Variants in UBR7 observed in about 807,000 individuals in gnomAD.
UBR7 encodes ubiquitin protein ligase E3 component n-recognin 7.
In UBR7, 22 loss-of-function variants were observed where a neutral mutation model predicts 57.0. That is an observed-to-expected ratio of 0.39 (90% CI 0.28 to 0.55). The LOEUF (loss-of-function observed/expected upper bound fraction) is 0.55, where lower values mean the gene tolerates loss of function less well. Ranked by LOEUF, UBR7 falls within the 20% of genes least tolerant of loss-of-function variation. UBR7 has a pLI of 0.69. For missense variants in UBR7, 395 were observed against 513.2 expected, an observed-to-expected ratio of 0.77 and a Z score of 2.23; for synonymous variants, 167 against 179.8, an observed-to-expected ratio of 0.93 and a Z score of 0.57.
At chr14:93,208,295 G>A (rs937854095) in intron 1 of UBR7, among the ~76,000 whole-genome samples, 2 of 152,052 alleles carry the variant, frequency 1.3e-5, no homozygotes, top group African/African-American at 4.8e-5. Context: ...GGAGAGACTT[G>A]TATTCATTAT....
At chr14:93,221,161 A>T (rs998680743) in intron 9 of UBR7, among the ~76,000 whole-genome samples, 8 of 148,114 alleles carry the variant, frequency 5.4e-5, no homozygotes, top group African/African-American at 2.0e-4. Flanking sequence ...CCCAGGCTGG[A>T]GTGCAGTGGC....
intron 10 of UBR7, among the ~76,000 whole-genome samples, chr14:93,225,305 C>A (rs1894825108): frequency 1.3e-5 from 2 of 151,134 alleles, no homozygotes; most frequent in Non-Finnish European, 2.9e-5. Flanking sequence ...ATGTTTGTAT[C>A]TAACAAAACA....
chr14:93,218,783 C>T (rs763223387), intron 7 of UBR7, 48 bp downstream of exon 7: 35 of 1,583,844 alleles, frequency 2.2e-5, no homozygotes, highest in South Asian at 3.4e-5. Flanking sequence ...GGGCCAGGCG[C>T]GGTGGCTCAT....
At chr14:93,213,244 T>A (rs1894522198) in intron 4 of UBR7, among the ~76,000 whole-genome samples, 1 of 152,192 alleles carries the variant, frequency 6.6e-6, no homozygotes, top group South Asian at 2.1e-4. Context: ...AACACTTTTG[T>A]CAACCTTGCA....
At chr14:93,222,194 A>T in intron 9 of UBR7, 119 bp from the exon 10 acceptor site, 1 of 734,494 alleles carries the variant, frequency 1.4e-6, no homozygotes, top group Non-Finnish European at 2.4e-6. Flanking sequence ...GCTTTCACTT[A>T]AGAAAATTTT....
rs1479069419 is a variant in UBR7 at position 93,227,874 on chromosome 14, G to A, written c.*839G>A. ...CCGGGTCTCACCCCTGTGAAATCTT[G>A]GTGGTTTACGAAGTCCTCTGGATTT... On this transcript the variant is annotated 3_prime_UTR_variant, in exon 11 of 11. Transcript: ENST00000013070. 7 of 700,766 alleles carry A rather than the reference G, an allele frequency of 1.0e-5. No individual in the cohort carries two copies. In the East Asian group the frequency reaches 1.9e-4, roughly 19 times the overall value. 43.4% of individuals were successfully genotyped at this position (700,766 alleles called of 1,614,324 possible).
chr14:93,207,663 T>C lies in UBR7; in HGVS notation c.150+222T>C, dbSNP rs990434178. Among the ~76,000 whole-genome samples, 3 of 151,742 alleles carry C rather than the reference T, an allele frequency of 2.0e-5. No homozygotes were observed. In the East Asian group the frequency reaches 5.8e-4, roughly 30 times the overall value. On this transcript the variant is annotated intron_variant, in intron 1 of 10. Coordinates refer to ENST00000013070, the MANE Select transcript of UBR7 (RefSeq NM_175748.4). ...CCAGCAGGGGCCCCCCTCTCCCCTGTCTCCAACTCTGTCCGGCCCGCCAGG... is the reference window on the plus strand; with the variant it reads ...CCAGCAGGGGCCCCCCTCTCCCCTGCCTCCAACTCTGTCCGGCCCGCCAGG...
rs1894815719 is a variant in UBR7 at position 93,224,907 on chromosome 14, CTT to C, written c.1186-2033_1186-2032del. 4.3e-5 allele frequency among the ~76,000 whole-genome samples: 5 copies of C among 115,780 alleles called. No homozygotes were observed. The Middle Eastern group carries it at 0.014, about 325-fold the overall frequency. The allele number at this position is 115,780 out of a possible 152,430, so 76.0% of individuals were successfully genotyped here. A position where few individuals can be genotyped will look rare whatever the true frequency, so the allele number is the denominator to read the frequency against. On this transcript the variant is annotated intron_variant, in intron 10 of 10. Transcript: ENST00000013070. ...ATGCTGGTGCTGTTGCACCTCCACT[CTT>C]TTGTGGTCGGTTTTCTTTATTTTAT...
At chr14:93,220,457 TA>T in intron 9 of UBR7, 46 bp downstream of exon 9, 1 of 1,608,220 alleles carries the variant, frequency 6.2e-7, no homozygotes. Flanking sequence ...CTTCACTATG[TA>T]AAAAAATATA....
intron 10 of UBR7, among the ~76,000 whole-genome samples, chr14:93,222,603 C>T (rs1337501585): frequency 2.0e-5 from 3 of 151,922 alleles, no homozygotes; most frequent in Non-Finnish European, 4.4e-5. Flanking sequence ...ATTAGCCAGG[C>T]GTGGTGATGG....
At chr14:93,224,146 C>G (rs757442125) in intron 10 of UBR7, 3 of 654,446 alleles carry the variant, frequency 4.6e-6, no homozygotes, top group Non-Finnish European at 8.1e-6. Context: ...TCATGGCGTC[C>G]TCTCCGCGCT....
intron 10 of UBR7, among the ~76,000 whole-genome samples, chr14:93,225,699 T>C (rs971068909): frequency 9.9e-5 from 15 of 152,182 alleles, no homozygotes; most frequent in Non-Finnish European, 2.1e-4. Flanking sequence ...AAAAACTGAT[T>C]TGTTATTGAA....
At chr14:93,225,698 T>C (rs979918231) in intron 10 of UBR7, among the ~76,000 whole-genome samples, 1 of 152,180 alleles carries the variant, frequency 6.6e-6, no homozygotes, top group Non-Finnish European at 1.5e-5. Flanking sequence ...AAAAAACTGA[T>C]TTGTTATTGA....
At chr14:93,219,973 C>CAAA (rs11442565) in intron 8 of UBR7, among the ~76,000 whole-genome samples, 2 of 142,450 alleles carry the variant, frequency 1.4e-5, no homozygotes, top group Non-Finnish European at 3.1e-5. Flanking sequence ...AACTCCATCT[C>CAAA]AAAAAAAAAA....
rs559860509 is a variant in UBR7, at chr14:93,212,144, T to C, written c.441+17T>C. ...GAAGACGAGGTAAGAGAATTGGAAG[T>C]TAAACCTGGGGGTGTGTCCCCTCTA... is the stretch of plus-strand genomic sequence containing the variant. On this transcript the variant is annotated intron_variant, in intron 4 of 10. Transcript: ENST00000013070. The C allele has an allele frequency of 3.1e-6, 5 of 1,590,098 alleles. 1 individual carries two copies. The South Asian group carries it at 5.6e-5, about 18-fold the overall frequency.
rs779441357 is a variant in UBR7, at chr14:93,222,269, A to G, written c.1124-44A>G. The G allele has an allele frequency of 2.1e-6, 3 of 1,418,348 alleles. No homozygotes were observed. In the East Asian group the frequency reaches 6.8e-5, roughly 32 times the overall value. The allele number at this position is 1,418,348 out of a possible 1,614,324, so 87.9% of individuals were successfully genotyped here. Reference sequence around the variant, plus strand: ...CAAAGAATATTTTGTTTTTGAAAGCAAATGGTTTATCTAAACTTAAATACT... The same window carrying G: ...CAAAGAATATTTTGTTTTTGAAAGCGAATGGTTTATCTAAACTTAAATACT... On this transcript the variant is annotated intron_variant, in intron 9 of 10. Transcript: ENST00000013070.
chr14:93,215,140 A>G, intron 5 of UBR7, 36 bp from the exon 6 acceptor site: 1 of 1,539,068 alleles, frequency 6.5e-7, no homozygotes, highest in Non-Finnish European at 8.8e-7. Context: ...ACAATTTGGC[A>G]ATCACAAGAA....
At position 93,220,382 on chromosome 14, in the gene UBR7, A is replaced by G. The variant is rs1263654673; in HGVS notation, c.1094A>G (p.Asn365Ser). The G allele has an allele frequency of 6.2e-7, 1 of 1,614,146 alleles. No individual in the cohort carries two copies. The highest frequency in any genetic ancestry group is 1.1e-5 in the South Asian group (1 of 91,080). Reference protein sequence around the residue: ...DPLMDTLSSMNRVQQVELICE... With the variant: ...DPLMDTLSSMSRVQQVELICE... Reference sequence around the variant, plus strand: ...CTAATGGATACCCTTAGCAGCATGAATAGAGTCCAGCAAGTGGAACTCATT... The same window carrying G: ...CTAATGGATACCCTTAGCAGCATGAGTAGAGTCCAGCAAGTGGAACTCATT... The change falls in exon 9 of 11, where the codon AAT becomes AGT. Residue 365 changes from asparagine to serine, a missense_variant. Transcript: ENST00000013070.
intron 10 of UBR7, among the ~76,000 whole-genome samples, chr14:93,224,416 T>C (rs893107737): frequency 7.4e-6 from 1 of 135,274 alleles, no homozygotes; most frequent in African/African-American, 2.9e-5. Flanking sequence ...TCTTGCTCTG[T>C]CGCCTAGGTT....
Sources: allele counts gnomAD v4.1 joint callset (sites outside exome capture counted in the v4.1 genomes callset), GRCh38; gene constraint gnomAD v4.1.1; transcripts MANE v1.5; gene names NCBI Gene and HGNC (gene_info 2026-07-23, HGNC 2026-07-21).